Variants in ADGRE1 observed in about 807,000 individuals in gnomAD.
The protein encoded by ADGRE1 is EGF-like module receptor 1.
Under a neutral mutation model 102.7 loss-of-function variants are expected in ADGRE1, and 82 were observed. The ratio of observed to expected loss-of-function variants is 0.80; its 90% confidence interval spans 0.67 to 0.96. The LOEUF (loss-of-function observed/expected upper bound fraction) is 0.96, where lower values mean the gene tolerates loss of function less well. Ranked by LOEUF, ADGRE1 falls within the 40% of genes least tolerant of loss-of-function variation. The pLI is 0.00. For synonymous variants in ADGRE1, 398 were observed against 399.6 expected, an observed-to-expected ratio of 1.00 and a Z score of 0.05; for missense variants, 1,032 against 1,085.3, an observed-to-expected ratio of 0.95 and a Z score of 0.69.
In ADGRE1 at chr19:6,893,663, T is replaced by C. The variant is rs1973456575; in HGVS notation, c.95-2735T>C. 2.0e-5 allele frequency among the ~76,000 whole-genome samples: 3 copies of C among 152,256 alleles called. No homozygotes were observed. In the South Asian group the frequency reaches 6.2e-4, roughly 31 times the overall value. ...TGCTGCTCTCCAGCAGATGTGGTTGTGTGTCTTTGGGTAAGTCACTCAACC... is the reference window on the plus strand; with the variant it reads ...TGCTGCTCTCCAGCAGATGTGGTTGCGTGTCTTTGGGTAAGTCACTCAACC... On this transcript the variant is annotated intron_variant, in intron 2 of 20. Coordinates refer to ENST00000312053, the MANE Select transcript of ADGRE1 (RefSeq NM_001974.5).
intron 11 of ADGRE1, among the ~76,000 whole-genome samples, chr19:6,915,964 G>T (rs1599742789): frequency 1.4e-5 from 2 of 142,904 alleles, no homozygotes; most frequent in South Asian, 4.6e-4. Context: ...AGAAAATCAT[G>T]ACTGTTGCCT....
chr19:6,920,906 A>G (rs1043732657), intron 13 of ADGRE1, among the ~76,000 whole-genome samples: 4 of 152,178 alleles, frequency 2.6e-5, no homozygotes, highest in Non-Finnish European at 2.9e-5. Context: ...CCACTGCACT[A>G]TGATCTCTTT....
Position 6,897,144 on chromosome 19 carries a change from T to C in ADGRE1, c.239-5T>C, listed in dbSNP as rs761772911. 34 of 1,610,582 alleles carry C rather than the reference T, an allele frequency of 2.1e-5. 1 individual carries two copies. The South Asian group carries it at 3.5e-4, about 17-fold the overall frequency. On this transcript the variant is annotated splice_polypyrimidine_tract_variant and splice_region_variant and intron_variant, in intron 3 of 20. Coordinates refer to ENST00000312053, the MANE Select transcript of ADGRE1 (RefSeq NM_001974.5). ...GTAAATTTGTAACTCCAATTCTCTG[T>C]CTAGATATTGATGAATGTTCTCAAA...
intron 20 of ADGRE1, among the ~76,000 whole-genome samples, chr19:6,938,189 T>G (rs1975511098): frequency 6.6e-6 from 1 of 151,942 alleles, no homozygotes; most frequent in African/African-American, 2.4e-5. Flanking sequence ...AATACAAAAT[T>G]AGCCGGGCAT....
intron 9 of ADGRE1, among the ~76,000 whole-genome samples, chr19:6,907,341 A>T (rs947769650): frequency 1.4e-4 from 21 of 145,162 alleles, no homozygotes; most frequent in East Asian, 1.0e-3. Flanking sequence ...AGTTCTAGAA[A>T]TTTTTTTTTT....
intron 1 of ADGRE1, among the ~76,000 whole-genome samples, chr19:6,889,490 A>T (rs1278400340): frequency 6.6e-6 from 1 of 151,828 alleles, no homozygotes; most frequent in Non-Finnish European, 1.5e-5. Context: ...GGAGATCGAG[A>T]CCATCCTGGC....
intron 6 of ADGRE1, 124 bp from the exon 7 acceptor site, chr19:6,903,686 G>A: frequency 7.9e-7 from 1 of 1,267,086 alleles, no homozygotes; most frequent in South Asian, 1.4e-5. Flanking sequence ...AGGGTTCTAG[G>A]AAATGTAGTC....
chr19:6,904,630 T>A (rs4807913), intron 8 of ADGRE1, among the ~76,000 whole-genome samples: 5 of 151,152 alleles, frequency 3.3e-5, no homozygotes, highest in African/African-American at 1.2e-4. Context: ...CTCAGCCTCC[T>A]GAGTAGCTGG....
chr19:6,912,202 A>T (rs549307886), intron 10 of ADGRE1, among the ~76,000 whole-genome samples: 1 of 152,180 alleles, frequency 6.6e-6, no homozygotes, highest in African/African-American at 2.4e-5. Context: ...AACCCAACAC[A>T]TACACACATA....
Position 6,913,733 on chromosome 19 carries a change from G to A in ADGRE1, c.1203G>A (p.Leu401=), listed in dbSNP as rs1488073309. The change falls in exon 11 of 21, where the codon CTG becomes CTA. Residue 401 remains leucine, a synonymous_variant. Coordinates refer to ENST00000312053, the MANE Select transcript of ADGRE1 (RefSeq NM_001974.5). ...TCACCAAGGAAGAGACGTCCTCCCT[G>A]GCCACAGTCTTCCTGGAGAGTGTGG... ...TKFTKEETSS[L]ATVFLESVES... 2 of 1,613,344 alleles carry A rather than the reference G, an allele frequency of 1.2e-6. No individual in the cohort carries two copies. Among genetic ancestry groups the A allele is most frequent in the Non-Finnish European group, 1.7e-6 (2 of 1,179,604 alleles).
intron 12 of ADGRE1, 87 bp downstream of exon 12, chr19:6,916,455 C>A: frequency 1.3e-6 from 2 of 1,497,108 alleles, no homozygotes; most frequent in Non-Finnish European, 1.8e-6. Context: ...AAGACCAGTG[C>A]CAGATAGTTG....
At chr19:6,889,259 A>C (rs971966462) in intron 1 of ADGRE1, among the ~76,000 whole-genome samples, 1 of 151,126 alleles carries the variant, frequency 6.6e-6, no homozygotes, top group African/African-American at 2.5e-5. Flanking sequence ...GATGATGATA[A>C]TGGTGATGAT....
chr19:6,916,745 A>G (rs936769413), intron 12 of ADGRE1, among the ~76,000 whole-genome samples: 17 of 151,348 alleles, frequency 1.1e-4, no homozygotes, highest in African/African-American at 4.1e-4. Context: ...ATAATTTAAA[A>G]ATAAAAAATA....
Position 6,904,154 on chromosome 19 carries a change from C to T in ADGRE1, c.921C>T (p.Ser307=). The part of the protein sequence containing the change: ...IAGFHPNPEG[S]QKDGNFSCQR... ...GCTTTCATCCCAATCCAGAAGGCTCCCAGAAAGATGGCAACTTCAGCTGCC... is the reference window on the plus strand; with the variant it reads ...GCTTTCATCCCAATCCAGAAGGCTCTCAGAAAGATGGCAACTTCAGCTGCC... Residue 307 remains serine, a synonymous_variant, in exon 8 of 21, where the codon TCC becomes TCT. Coordinates refer to ENST00000312053, the MANE Select transcript of ADGRE1 (RefSeq NM_001974.5). The T allele has an allele frequency of 1.2e-6, 2 of 1,614,106 alleles. No individual in the cohort carries two copies. Among genetic ancestry groups the T allele is most frequent in the Non-Finnish European group, 1.7e-6 (2 of 1,180,040 alleles).
intron 9 of ADGRE1, among the ~76,000 whole-genome samples, 195 bp from the exon 10 acceptor site, chr19:6,908,494 C>T (rs1974050618): frequency 6.6e-6 from 1 of 151,982 alleles, no homozygotes; most frequent in Admixed American, 6.6e-5. Flanking sequence ...TTTTTTTATT[C>T]ATGGAAGGAA....
intron 8 of ADGRE1, among the ~76,000 whole-genome samples, chr19:6,905,171 C>T (rs115669360): frequency 0.011 from 1,717 of 151,916 alleles, 31 homozygotes; most frequent in African/African-American, 0.034. Flanking sequence ...TGCAAGACTC[C>T]GTCTCCACAA....
rs552745588 is a variant in ADGRE1 at position 6,899,681 on chromosome 19, A to G, written c.514+2134A>G. Reference sequence around the variant, plus strand: ...GGCAACAGAGCAAGACTCTGTTTCAAAAAAAAAAAATACCCAACAACAAGA... The same window carrying G: ...GGCAACAGAGCAAGACTCTGTTTCAGAAAAAAAAAATACCCAACAACAAGA... On this transcript the variant is annotated intron_variant, in intron 5 of 20. Coordinates refer to ENST00000312053, the MANE Select transcript of ADGRE1 (RefSeq NM_001974.5). Among the ~76,000 whole-genome samples the G allele has an allele frequency of 1.3e-4, 19 of 147,752 alleles. No individual in the cohort carries two copies. In the East Asian group the frequency reaches 1.4e-3, roughly 11 times the overall value.
intron 11 of ADGRE1, among the ~76,000 whole-genome samples, chr19:6,915,875 C>T (rs903756856): frequency 1.5e-5 from 2 of 131,724 alleles, no homozygotes; most frequent in South Asian, 2.5e-4. Flanking sequence ...GAGCCGAGAT[C>T]GTGCCACTGC....
Position 6,927,226 on chromosome 19 carries a change from C to T in ADGRE1, c.2222+625C>T, listed in dbSNP as rs1744526082. On this transcript the variant is annotated intron_variant, in intron 16 of 20. Transcript: ENST00000312053. ...CTCCTCCCTTCTTCCTCCCTCCCCT[C>T]TTCCCTCCCTCCTTCCTTCCTCCCT... Among the ~76,000 whole-genome samples the T allele has an allele frequency of 2.2e-5, 3 of 136,750 alleles. 1 individual carries two copies. The South Asian group carries it at 7.6e-4, about 35-fold the overall frequency. 89.7% of individuals were successfully genotyped at this position (136,750 alleles called of 152,430 possible).
Sources: gnomAD v4.1 joint callset for allele counts (sites outside exome capture counted in the v4.1 genomes callset) on GRCh38, gnomAD v4.1.1 for gene constraint, MANE v1.5 for transcripts, NCBI Gene and HGNC (gene_info 2026-07-23, HGNC 2026-07-21) for gene names.